The following PCTP variants were observed in gnomAD, a reference collection of about 807,000 sequenced individuals.
The protein encoded by PCTP is phosphatidylcholine transfer protein.
A neutral mutation model predicts 31.0 loss-of-function variants in PCTP; 27 were observed. The observed-to-expected ratio is 0.87, with a 90% CI of 0.64 to 1.20. The LOEUF (loss-of-function observed/expected upper bound fraction) is 1.20, where lower values mean the gene tolerates loss of function less well. PCTP is among the 50% of genes most tolerant of loss of function. The pLI is 0.00. For synonymous variants in PCTP, 108 were observed against 101.2 expected (o/e 1.07, Z -0.40); for missense variants, 287 against 268.2 (o/e 1.07, Z -0.49).
At chr17:55,849,976 T>C in the PCTP span, among the ~76,000 whole-genome samples, 1 of 152,184 alleles carries the variant, frequency 6.6e-6, no homozygotes, top group Non-Finnish European at 1.5e-5. Flanking sequence ...AAAGTTTATA[T>C]TTATTAGTTT....
In PCTP at chr17:55,773,441, C is replaced by A. The variant is rs62078567; in HGVS notation, c.340-283C>A. ...ACCATTCCTCTGTCATCTCCCAGTG[C>A]CTTCTTGGAGAAAGGAAATGTGGTT... On this transcript the variant is annotated intron_variant, in intron 3 of 5. Coordinates refer to ENST00000268896, the MANE Select transcript of PCTP (RefSeq NM_021213.4). Among the ~76,000 whole-genome samples, 382 of 152,224 alleles carry A rather than the reference C, an allele frequency of 2.5e-3. 1 individual carries two copies. The highest frequency in any genetic ancestry group is 8.6e-3 in the African/African-American group (359 of 41,536).
intron 4 of PCTP, 56 bp downstream of exon 4, chr17:55,773,951 C>G: frequency 6.6e-7 from 1 of 1,510,840 alleles, no homozygotes; most frequent in Admixed American, 2.0e-5. Context: ...ACGGGAGGGC[C>G]AGGCTGATGG....
rs145818870 is a variant in PCTP, at chr17:55,773,972, C to T, written c.511+77C>T. The T allele has an allele frequency of 1.7e-5, 24 of 1,449,856 alleles. No individual in the cohort carries two copies. In the East Asian group the frequency reaches 4.2e-4, roughly 26 times the overall value. 89.8% of individuals were successfully genotyped at this position (1,449,856 alleles called of 1,614,324 possible). ...GGGCCAGGCTGATGGGGGGACATGT[C>T]GAGTACATGAAGCGTATCCCTGAAG... is the stretch of plus-strand genomic sequence containing the variant. On this transcript the variant is annotated intron_variant, in intron 4 of 5. Coordinates refer to ENST00000268896, the MANE Select transcript of PCTP (RefSeq NM_021213.4).
Position 55,773,826 on chromosome 17 carries a change from G to C in PCTP, c.442G>C (p.Gly148Arg). ...TSMPQLGERS[G>R]VIRVKQYKQS... ...CATGCCTCAGCTTGGCGAGAGGTCT[G>C]GGGTGATCCGGGTGAAGCAATACAA... Residue 148 changes from glycine (G) to arginine (R), a missense_variant, in exon 4 of 6, where the codon GGG (glycine) becomes CGG (arginine). Physicochemically the swap from Gly to Arg is moderately radical, Grantham distance 125. Transcript: ENST00000268896. 6.2e-7 allele frequency: 1 copy of C among 1,613,442 alleles called. No homozygotes were observed. The highest frequency in any genetic ancestry group is 8.5e-7 in the Non-Finnish European group (1 of 1,179,786).
chr17:55,768,718 G>T (rs949798333), intron 2 of PCTP: 14 of 152,204 alleles, frequency 9.2e-5, no homozygotes, highest in African/African-American at 3.4e-4. Context: ...GCAGCTGTTG[G>T]GTCCAGATCC....
chr17:55,834,215 T>C (rs1377331465), intron 5 of PCTP, among the ~76,000 whole-genome samples: 1 of 152,148 alleles, frequency 6.6e-6, no homozygotes, highest in Non-Finnish European at 1.5e-5. Context: ...AATTTTAAGT[T>C]CTGAGGTACA....
intron 1 of PCTP, among the ~76,000 whole-genome samples, chr17:55,759,118 A>G (rs559080591): frequency 6.6e-6 from 1 of 152,332 alleles, no homozygotes; most frequent in African/African-American, 2.4e-5. Context: ...ATCTGGGGCA[A>G]TGCTGAATAG....
chr17:55,834,916 C>G (rs1361917750), intron 5 of PCTP, among the ~76,000 whole-genome samples: 1 of 152,098 alleles, frequency 6.6e-6, no homozygotes, highest in Admixed American at 6.5e-5. Flanking sequence ...CAGAATGTGA[C>G]CTTATCTGAG....
chr17:55,771,041 C>G, intron 2 of PCTP, 65 bp from the exon 3 acceptor site: 1 of 1,271,912 alleles, frequency 7.9e-7, no homozygotes, highest in South Asian at 1.2e-5. Context: ...CCTAAGAGGT[C>G]ATACCCTTAT....
At chr17:55,823,302 G>A (rs1366006788), downstream of PCTP, among the ~76,000 whole-genome samples, 1 of 152,160 alleles carries the variant, frequency 6.6e-6, no homozygotes, top group Non-Finnish European at 1.5e-5. Context: ...ATGGCCTTCA[G>A]TGTCATTCCA....
chr17:55,768,307 G>C (rs1251499950), intron 2 of PCTP, among the ~76,000 whole-genome samples: 1 of 152,092 alleles, frequency 6.6e-6, no homozygotes, highest in Non-Finnish European at 1.5e-5. Flanking sequence ...CTTTTAAGTT[G>C]TGTGATCCTC....
intron 2 of PCTP, among the ~76,000 whole-genome samples, chr17:55,783,072 A>C (rs9898474): frequency 0.07 from 10,549 of 150,284 alleles, 1,194 homozygotes; most frequent in African/African-American, 0.24. Flanking sequence ...AGATAGGTCC[A>C]AAAAAAAATG....
intron 1 of PCTP, among the ~76,000 whole-genome samples, chr17:55,762,193 A>C (rs1910374795): frequency 6.6e-6 from 1 of 152,184 alleles, no homozygotes; most frequent in Non-Finnish European, 1.5e-5. Context: ...ATGCTGGCTC[A>C]GGTTTAGGAT....
At chr17:55,843,820 A>G (rs1394936834), downstream of PCTP, among the ~76,000 whole-genome samples, 1 of 152,216 alleles carries the variant, frequency 6.6e-6, no homozygotes, top group Non-Finnish European at 1.5e-5. Context: ...CTCAATGTAT[A>G]TGTGTGTATA....
intron 5 of PCTP, among the ~76,000 whole-genome samples, chr17:55,836,804 C>T (rs1905791180): frequency 6.6e-6 from 1 of 152,186 alleles, no homozygotes; most frequent in Admixed American, 6.5e-5. Context: ...GAAATAAATA[C>T]ATAGACCTTG....
At chr17:55,784,963 C>T (rs1328237853) in intron 2 of PCTP, among the ~76,000 whole-genome samples, 2 of 152,230 alleles carry the variant, frequency 1.3e-5, no homozygotes, top group Admixed American at 6.5e-5. Context: ...TTCCCCACAT[C>T]TGTATATAGC....
downstream of PCTP, among the ~76,000 whole-genome samples, chr17:55,845,085 C>CA (rs891404386): frequency 0.16 from 5,079 of 32,432 alleles, 1,077 homozygotes; most frequent in African/African-American, 0.19. Flanking sequence ...AAAACTCCAT[C>CA]AAAAAAAAAA....
chr17:55,826,253 C>A (rs1905391665), downstream of PCTP, among the ~76,000 whole-genome samples: 1 of 152,064 alleles, frequency 6.6e-6, no homozygotes, highest in Admixed American at 6.6e-5. Flanking sequence ...CCTCATGTGG[C>A]CTCCTCTGGA....
At chr17:55,784,357 G>A (rs917260610) in intron 2 of PCTP, among the ~76,000 whole-genome samples, 4 of 152,078 alleles carry the variant, frequency 2.6e-5, no homozygotes, top group Non-Finnish European at 4.4e-5. Flanking sequence ...TCAGGATTGC[G>A]TCCACCATAT....
Sources: allele counts gnomAD v4.1 joint callset (sites outside exome capture counted in the v4.1 genomes callset), GRCh38; gene constraint gnomAD v4.1.1; transcripts MANE v1.5; gene names NCBI Gene and HGNC (gene_info 2026-07-23, HGNC 2026-07-21).